NFATC3: variants seen among roughly 807,000 people sequenced by gnomAD.
NFATC3 encodes the protein nuclear factor of activated T-cells, cytoplasmic 3.
Under a neutral mutation model 98.6 loss-of-function variants are expected in NFATC3, and 46 were observed. The observed-to-expected ratio is 0.47, with a 90% CI of 0.37 to 0.60. NFATC3 has a LOEUF of 0.60. Among genes scored for constraint, NFATC3 ranks in the 20% least tolerant of loss-of-function variants. The probability of loss-of-function intolerance (pLI) is 0.00; values close to 1 mark genes in which losing one functional copy is unlikely to be tolerated. For synonymous variants in NFATC3, 512 were observed against 472.2 expected (o/e 1.08, Z -1.09); for missense variants, 1,256 against 1,295.5 (o/e 0.97, Z 0.47).
At chr16:68,169,678 T>G (rs936994182) in intron 5 of NFATC3, among the ~76,000 whole-genome samples, 1 of 151,964 alleles carries the variant, frequency 6.6e-6, no homozygotes, top group Non-Finnish European at 1.5e-5. Context: ...CCGTGGCTCA[T>G]AACTGTAATC....
Position 68,170,494 on chromosome 16 carries a change from CTTTTTTTTTTT to C in NFATC3, c.1774+3485_1774+3495del, listed in dbSNP as rs1364251442. 3.1e-5 allele frequency among the ~76,000 whole-genome samples: 4 copies of C among 131,052 alleles called. No individual in the cohort carries two copies. In the South Asian group the frequency reaches 1.0e-3, roughly 34 times the overall value. The allele number at this position is 131,052 out of a possible 152,430, so 86.0% of individuals were successfully genotyped here. A position where few individuals can be genotyped will look rare whatever the true frequency, so the allele number is the denominator to read the frequency against. ...TCAGTATTAACCTTTTCTGGCTGTT[CTTTTTTTTTTT>C]TTTTTGAGACGGAGTCTCCCTGTGT... On this transcript the variant is annotated intron_variant, in intron 5 of 9. Coordinates refer to ENST00000346183, the MANE Select transcript of NFATC3 (RefSeq NM_173165.3).
chr16:68,214,614 C>G (rs2041559764), intron 9 of NFATC3, among the ~76,000 whole-genome samples: 3 of 152,206 alleles, frequency 2.0e-5, no homozygotes, highest in Admixed American at 2.0e-4. Flanking sequence ...TAACCACACT[C>G]AGGCTCTTAC....
intron 9 of NFATC3, among the ~76,000 whole-genome samples, chr16:68,192,621 G>A (rs1325390615): frequency 6.6e-6 from 1 of 152,096 alleles, no homozygotes; most frequent in East Asian, 1.9e-4. Flanking sequence ...CACTTTGGAA[G>A]GCTGAGGCGG....
chr16:68,133,319 TA>T (rs1001545936), intron 3 of NFATC3, among the ~76,000 whole-genome samples: 1 of 152,184 alleles, frequency 6.6e-6, no homozygotes, highest in Non-Finnish European at 1.5e-5. Flanking sequence ...AATGTTAACA[TA>T]AATGATAAAT....
chr16:68,199,233 A>T (rs1369015597), intron 9 of NFATC3, among the ~76,000 whole-genome samples: 84 of 145,312 alleles, frequency 5.8e-4, no homozygotes, highest in African/African-American at 2.2e-3. Context: ...TTTATTTTTT[A>T]TTTTTTTTGA....
At chr16:68,203,616 G>T (rs1487745675) in intron 9 of NFATC3, among the ~76,000 whole-genome samples, 1 of 152,196 alleles carries the variant, frequency 6.6e-6, no homozygotes, top group Non-Finnish European at 1.5e-5. Flanking sequence ...TTGGGCGACA[G>T]AGTGAGACCC....
chr16:68,192,210 G>GGAA lies in NFATC3; in HGVS notation c.3106+435_3106+436insGAA, dbSNP rs1484780002. 63 of 13,832 alleles carry GGAA rather than the reference G, an allele frequency of 4.6e-3. 1 individual carries two copies. Among genetic ancestry groups the GGAA allele is most frequent in the African/African-American group, 0.024 (59 of 2,462 alleles). 0.9% of individuals were successfully genotyped at this position (13,832 alleles called of 1,614,324 possible). A position where few individuals can be genotyped will look rare whatever the true frequency, so the allele number is the denominator to read the frequency against. Reference sequence around the variant, plus strand: ...GCGGCAGAGCAAGACTCCGTCTCGGGAAAAAAAAAAAAAAAAAAAAATATA... The same window carrying GGAA: ...GCGGCAGAGCAAGACTCCGTCTCGGGGAAAAAAAAAAAAAAAAAAAAAAATATA... On this transcript the variant is annotated intron_variant, in intron 9 of 9. Transcript: ENST00000346183.
At chr16:68,172,645 G>A (rs2151609004) in intron 5 of NFATC3, among the ~76,000 whole-genome samples, 1 of 152,082 alleles carries the variant, frequency 6.6e-6, no homozygotes, top group African/African-American at 2.4e-5. Flanking sequence ...AGTTGTGTAT[G>A]GTAATGCATT....
chr16:68,209,576 G>A (rs2041290247), intron 9 of NFATC3: 3 of 332,050 alleles, frequency 9.0e-6, no homozygotes, highest in Non-Finnish European at 1.8e-5. Flanking sequence ...TTGCAAAGCT[G>A]CTGAAGGGTC....
chr16:68,189,605 G>A (rs758453277), intron 8 of NFATC3, among the ~76,000 whole-genome samples: 9 of 152,054 alleles, frequency 5.9e-5, no homozygotes, highest in Non-Finnish European at 1.2e-4. Flanking sequence ...GAGTGTTGTC[G>A]TCTTAGCAAT....
At chr16:68,097,473 T>C (rs1035407027) in intron 1 of NFATC3, among the ~76,000 whole-genome samples, 2 of 151,820 alleles carry the variant, frequency 1.3e-5, no homozygotes, top group African/African-American at 2.4e-5. Flanking sequence ...ACAAAAGAGA[T>C]TTGAAAGTTA....
At position 68,197,979 on chromosome 16, in the gene NFATC3, C is replaced by G. The variant is rs1039055013; in HGVS notation, c.3106+6204C>G. Among the ~76,000 whole-genome samples, 7 of 152,090 alleles carry G rather than the reference C, an allele frequency of 4.6e-5. No individual in the cohort carries two copies. The South Asian group carries it at 1.5e-3, about 32-fold the overall frequency. ...TAACATCAATTTTTTATTATAAATT[C>G]AATGACATTTACTGGAGAAGATAGT... is the stretch of plus-strand genomic sequence containing the variant. On this transcript the variant is annotated intron_variant, in intron 9 of 9. Coordinates refer to ENST00000346183, the MANE Select transcript of NFATC3 (RefSeq NM_173165.3).
intron 1 of NFATC3, among the ~76,000 whole-genome samples, chr16:68,088,199 G>A (rs1487915360): frequency 6.6e-6 from 1 of 151,526 alleles, no homozygotes; most frequent in Non-Finnish European, 1.5e-5. Flanking sequence ...TGTGTTTGCC[G>A]AACTTATTTT....
chr16:68,136,333 T>A (rs1357413438), intron 3 of NFATC3, among the ~76,000 whole-genome samples: 1 of 152,128 alleles, frequency 6.6e-6, no homozygotes, highest in Non-Finnish European at 1.5e-5. Context: ...AGTAGTGCAA[T>A]GTCAGCTCGC....
In NFATC3 at chr16:68,191,759, C is replaced by A. The variant is rs746567095; in HGVS notation, c.3090C>A (p.Asp1030Glu). 4 of 1,613,990 alleles carry A rather than the reference C, an allele frequency of 2.5e-6. No homozygotes were observed. The African/African-American group carries it at 5.3e-5, about 22-fold the overall frequency. Residue 1030 changes from aspartate to glutamate, a missense_variant, in exon 9 of 10, where the codon GAC (aspartate) becomes GAA (glutamate). Physicochemically the swap from Asp to Glu is conservative, Grantham distance 45. Around this residue, in one of 3 missense-constraint regions of NFATC3, gnomAD observed 636 missense variants for 617.3 expected, o/e 1.03. Coordinates refer to ENST00000346183, the MANE Select transcript of NFATC3 (RefSeq NM_173165.3). ...ACTTTGCAACCATTGGTCTGCAGGACATCACTTTAGATGATGGTAAGTTCA... is the reference window on the plus strand; with the variant it reads ...ACTTTGCAACCATTGGTCTGCAGGAAATCACTTTAGATGATGGTAAGTTCA... The part of the protein sequence containing the change: ...EPNFATIGLQ[D>E]ITLDDVNEII...
chr16:68,140,622 A>T (rs545020446), intron 3 of NFATC3, among the ~76,000 whole-genome samples: 1 of 152,202 alleles, frequency 6.6e-6, no homozygotes, highest in Non-Finnish European at 1.5e-5. Flanking sequence ...CTTATATCTT[A>T]TAAAATTAAT....
chr16:68,147,600 C>T (rs1041467531), intron 3 of NFATC3, among the ~76,000 whole-genome samples: 2 of 152,096 alleles, frequency 1.3e-5, no homozygotes, highest in African/African-American at 2.4e-5. Flanking sequence ...TTTATTTCTC[C>T]ACTTGATGAA....
In NFATC3 at chr16:68,122,601, T is replaced by A. The variant is rs1440676649; in HGVS notation, c.718T>A (p.Ser240Thr). 6.2e-7 allele frequency: 1 copy of A among 1,613,804 alleles called. No homozygotes were observed. The highest frequency in any genetic ancestry group is 1.3e-5 in the African/African-American group (1 of 74,826). The change falls in exon 2 of 10, where the codon TCT becomes ACT. Residue 240 changes from serine (S) to threonine (T), a missense_variant. Coordinates refer to ENST00000346183, the MANE Select transcript of NFATC3 (RefSeq NM_173165.3). Reference sequence around the variant, plus strand: ...TGGACACTCATTATCACCCAGGCAATCTCCTTGCCACTCTCCTAGATCCAG... The same window carrying A: ...TGGACACTCATTATCACCCAGGCAAACTCCTTGCCACTCTCCTAGATCCAG... ...GLGHSLSPRQSPCHSPRSSVT... is the reference protein window; with the variant it reads ...GLGHSLSPRQTPCHSPRSSVT...
chr16:68,172,401 T>C (rs760880758), intron 5 of NFATC3, among the ~76,000 whole-genome samples: 4 of 152,210 alleles, frequency 2.6e-5, no homozygotes, highest in African/African-American at 9.6e-5. Context: ...TGAAGAGATA[T>C]AATCAACACT....
Sources: allele counts gnomAD v4.1 joint callset (sites outside exome capture counted in the v4.1 genomes callset), GRCh38; gene constraint gnomAD v4.1.1; regional missense constraint gnomAD v4.1.1; transcripts MANE v1.5; gene names NCBI Gene and HGNC (gene_info 2026-07-23, HGNC 2026-07-21).